Variants in VTI1A observed in about 807,000 individuals in gnomAD.
VTI1A encodes vesicle transport through interaction with t-SNAREs homolog 1A.
In VTI1A, 22 loss-of-function variants were observed where a neutral mutation model predicts 34.9. That is an observed-to-expected ratio of 0.63 (90% confidence interval 0.45 to 0.90). VTI1A has a LOEUF of 0.90. Ranked by LOEUF, VTI1A falls within the 40% of genes least tolerant of loss-of-function variation. VTI1A has a pLI of 0.00. For synonymous variants in VTI1A, 87 were observed against 97.3 expected, an observed-to-expected ratio of 0.89 and a Z score of 0.62; for missense variants, 268 against 275.6, an observed-to-expected ratio of 0.97 and a Z score of 0.20.
intron 3 of VTI1A, among the ~76,000 whole-genome samples, chr10:112,510,308 A>G (rs1849562809): frequency 6.6e-6 from 1 of 152,138 alleles, no homozygotes; most frequent in Non-Finnish European, 1.5e-5. Context: ...TAAGCAATCT[A>G]ATTTAGAATT....
chr10:112,851,618 C>A, the VTI1A span, among the ~76,000 whole-genome samples: 1 of 152,118 alleles, frequency 6.6e-6, no homozygotes, highest in African/African-American at 2.4e-5. Flanking sequence ...AAAGTCCACC[C>A]AGGAAAAAGA....
intron 5 of VTI1A, among the ~76,000 whole-genome samples, chr10:112,619,209 C>G (rs573536936): frequency 1.3e-5 from 2 of 151,680 alleles, no homozygotes; most frequent in Admixed American, 1.3e-4. Flanking sequence ...ATGCGTGGTC[C>G]GAGCCAATCC....
chr10:112,460,613 A>G, intron 2 of VTI1A, 31 bp downstream of exon 2: 2 of 1,548,530 alleles, frequency 1.3e-6, no homozygotes, highest in Admixed American at 2.0e-5. Flanking sequence ...ATTTTAACAC[A>G]CAGCCAGAGC....
intron 7 of VTI1A, among the ~76,000 whole-genome samples, chr10:112,712,651 C>A (rs1849467139): frequency 6.6e-6 from 1 of 152,152 alleles, no homozygotes; most frequent in Non-Finnish European, 1.5e-5. Flanking sequence ...ACATGCAACA[C>A]ATGCCCTGAT....
rs1847255093 is a variant in VTI1A at position 112,656,984 on chromosome 10, C to T, written c.428-11234C>T. Among the ~76,000 whole-genome samples the T allele has an allele frequency of 1.3e-5, 2 of 152,112 alleles. 1 individual carries two copies. The highest frequency in any genetic ancestry group is 1.3e-4 in the Admixed American group (2 of 15,274). ...GTTTAAAAGTGGGTAGCACCTTCCC[C>T]TCACTCTCTTGGTCCTGCTCCTGCC... On this transcript the variant is annotated intron_variant, in intron 5 of 7. Transcript: ENST00000393077.
chr10:112,687,997 A>G (rs779051266), intron 7 of VTI1A, among the ~76,000 whole-genome samples: 1 of 139,728 alleles, frequency 7.2e-6, no homozygotes, highest in Non-Finnish European at 1.5e-5. Flanking sequence ...TCTGTCACCC[A>G]GACTGGATTG....
intron 7 of VTI1A, among the ~76,000 whole-genome samples, chr10:112,669,751 T>A (rs1373193777): frequency 6.6e-6 from 1 of 152,186 alleles, no homozygotes; most frequent in Non-Finnish European, 1.5e-5. Flanking sequence ...TTAACTGGAA[T>A]TTTTAAGAAG....
chr10:112,594,396 T>A (rs1239685863), intron 5 of VTI1A, among the ~76,000 whole-genome samples: 1 of 152,120 alleles, frequency 6.6e-6, no homozygotes, highest in Admixed American at 6.5e-5. Context: ...ACGACATGAT[T>A]GTATATCTAG....
chr10:112,827,886 A>G, the VTI1A span, among the ~76,000 whole-genome samples: 1 of 152,206 alleles, frequency 6.6e-6, no homozygotes, highest in Non-Finnish European at 1.5e-5. Context: ...TTGGAAAGAT[A>G]ATATTCAAGG....
Position 112,507,816 on chromosome 10 carries a change from G to A in VTI1A, c.265-19271G>A, listed in dbSNP as rs942253783. ...CTTGAGATCCTAATCTATTGTGCCA[G>A]GTCTAATGCAGCCCTTAAAAGTTTG... On this transcript the variant is annotated intron_variant, in intron 3 of 7. Coordinates refer to ENST00000393077, the MANE Select transcript of VTI1A (RefSeq NM_145206.4). Among the ~76,000 whole-genome samples the A allele has an allele frequency of 2.6e-5, 4 of 152,152 alleles. 1 individual carries two copies. Among genetic ancestry groups the A allele is most frequent in the East Asian group, 3.9e-4 (2 of 5,190 alleles).
intron 7 of VTI1A, among the ~76,000 whole-genome samples, chr10:112,698,907 A>T (rs1046157217): frequency 3.9e-5 from 6 of 152,190 alleles, no homozygotes; most frequent in Non-Finnish European, 8.8e-5. Context: ...GTGTTCCTTC[A>T]GTCCACCAGA....
chr10:112,835,077 A>G, the VTI1A span, among the ~76,000 whole-genome samples: 1 of 152,166 alleles, frequency 6.6e-6, no homozygotes, highest in Non-Finnish European at 1.5e-5. Context: ...ATGCTTAGAC[A>G]CAGGGCCCGT....
chr10:112,770,980 C>G (rs553881161), intron 7 of VTI1A, among the ~76,000 whole-genome samples: 1 of 152,228 alleles, frequency 6.6e-6, no homozygotes, highest in African/African-American at 2.4e-5. Flanking sequence ...TCTCTAAAGA[C>G]ATTTCTGGCT....
chr10:112,794,096 T>G (rs1852587160), intron 7 of VTI1A, among the ~76,000 whole-genome samples: 1 of 152,176 alleles, frequency 6.6e-6, no homozygotes, highest in Non-Finnish European at 1.5e-5. Context: ...ACAGTTTTAT[T>G]CAAGGAAAAA....
At position 112,767,914 on chromosome 10, in the gene VTI1A, C is replaced by A. The variant is rs1467509498; in HGVS notation, c.561-47376C>A. ...ATCTTGGGGAGGGTGACCTGCAGGT[C>A]ATGTGCCCAGAGGCACTAGTGTCAC... On this transcript the variant is annotated intron_variant, in intron 7 of 7. Transcript: ENST00000393077. The surrounding 1 kb of genome is among the most constrained non-coding windows in gnomAD (Gnocchi z 4.0). Among the ~76,000 whole-genome samples the A allele has an allele frequency of 2.0e-5, 3 of 149,610 alleles. No individual in the cohort carries two copies. The highest frequency in any genetic ancestry group is 2.0e-4 in the East Asian group (1 of 4,956).
chr10:112,843,551 A>G, the VTI1A span, among the ~76,000 whole-genome samples: 1 of 152,246 alleles, frequency 6.6e-6, no homozygotes, highest in African/African-American at 2.4e-5. Flanking sequence ...GTGACTGCTA[A>G]CAGCGTTTAT....
the VTI1A span, among the ~76,000 whole-genome samples, chr10:112,836,916 C>T: frequency 6.6e-6 from 1 of 151,934 alleles, no homozygotes; most frequent in African/African-American, 2.4e-5. Context: ...TCAAGTTAAA[C>T]ATTGTTCAAA....
rs141503572 is a variant in VTI1A at position 112,666,770 on chromosome 10, CA to C, written c.428-1444del. ...CAACAAGACTAAGATAGGAGAGTGG[CA>C]AAATCATAGTAGTCCAGTGATGTTC... is the stretch of plus-strand genomic sequence containing the variant. On this transcript the variant is annotated intron_variant, in intron 5 of 7. Coordinates refer to ENST00000393077, the MANE Select transcript of VTI1A (RefSeq NM_145206.4). 9.9e-3 allele frequency among the ~76,000 whole-genome samples: 1,504 copies of C among 152,136 alleles called. 23 individuals carry two copies. Among genetic ancestry groups the C allele is most frequent in the African/African-American group, 0.034 (1,408 of 41,506 alleles).
chr10:112,729,234 C>T (rs927984541), intron 7 of VTI1A, among the ~76,000 whole-genome samples: 4 of 150,558 alleles, frequency 2.7e-5, no homozygotes, highest in Non-Finnish European at 6.0e-5. Context: ...AAGTGTGTTT[C>T]TCTTGGATTA....
Sources: allele counts gnomAD v4.1 joint callset (sites outside exome capture counted in the v4.1 genomes callset), GRCh38; gene constraint gnomAD v4.1.1; non-coding constraint Gnocchi (gnomAD v3.1); transcripts MANE v1.5; gene names NCBI Gene and HGNC (gene_info 2026-07-23, HGNC 2026-07-21).